SMAP2: variants seen among roughly 807,000 people sequenced by gnomAD.
SMAP2 encodes the protein stromal membrane-associated protein 2.
Under a neutral mutation model 56.4 loss-of-function variants are expected in SMAP2, and 25 were observed. The ratio of observed to expected loss-of-function variants is 0.44; its 90% CI spans 0.32 to 0.62. SMAP2 has a LOEUF of 0.62. Among genes scored for constraint, SMAP2 ranks in the 20% least tolerant of loss-of-function variants. The pLI is 0.04. For missense variants in SMAP2, 388 were observed against 545.6 expected (o/e 0.71, Z 2.88); for synonymous variants, 157 against 181.7 (o/e 0.86, Z 1.09).
chr1:40,387,719 C>G (rs566708606), intron 1 of SMAP2, among the ~76,000 whole-genome samples: 2 of 152,202 alleles, frequency 1.3e-5, no homozygotes, highest in East Asian at 1.9e-4. Context: ...CGCTCGCTCT[C>G]GGTGCCTCCT....
chr1:40,360,004 C>CTTTTTTTTTTTTTTTTTTT, intron 1 of SMAP2, among the ~76,000 whole-genome samples: 1 of 102,484 alleles, frequency 9.8e-6, no homozygotes, highest in Non-Finnish European at 1.8e-5. Context: ...CTTCTTCTTT[C>CTTTTTTTTTTTTTTTTTTT]TTTTTTTTTT....
At chr1:40,412,314 A>G (rs1644943800) in intron 4 of SMAP2, among the ~76,000 whole-genome samples, 1 of 152,182 alleles carries the variant, frequency 6.6e-6, no homozygotes, top group Admixed American at 6.5e-5. Context: ...TCAGCATTGT[A>G]TAAGAGTACT....
chr1:40,384,265 A>G (rs1444159842), intron 1 of SMAP2, among the ~76,000 whole-genome samples: 1 of 152,156 alleles, frequency 6.6e-6, no homozygotes, highest in African/African-American at 2.4e-5. Flanking sequence ...CTTGTGCTGC[A>G]TGTTAGTTTA....
At chr1:40,354,785 T>TTTTA in intron 1 of SMAP2, among the ~76,000 whole-genome samples, 1 of 120,474 alleles carries the variant, frequency 8.3e-6, no homozygotes, top group Non-Finnish European at 1.7e-5. Context: ...TTTTTTTTTT[T>TTTTA]TTTTTTTTTG....
intron 1 of SMAP2, among the ~76,000 whole-genome samples, chr1:40,353,999 G>A (rs1483040334): frequency 6.6e-6 from 1 of 152,154 alleles, no homozygotes; most frequent in African/African-American, 2.4e-5. Context: ...GGTTGAGGAT[G>A]GCAAAGCAGA....
At chr1:40,357,789 C>T (rs1453840456) in intron 1 of SMAP2, among the ~76,000 whole-genome samples, 1 of 152,068 alleles carries the variant, frequency 6.6e-6, no homozygotes, top group African/African-American at 2.4e-5. Flanking sequence ...GTCTATATGT[C>T]CATTTTTGTG....
chr1:40,386,650 C>T lies in SMAP2; in HGVS notation c.103+12427C>T, dbSNP rs1023966317. ...AAAAAAAGATTTGTTGCCATAGGAACAGACCAGTTGTTTTCTGTCTTGTGG... is the reference window on the plus strand; with the variant it reads ...AAAAAAAGATTTGTTGCCATAGGAATAGACCAGTTGTTTTCTGTCTTGTGG... On this transcript the variant is annotated intron_variant, in intron 1 of 9. Transcript: ENST00000372718. The surrounding 1 kb of genome is among the most constrained non-coding windows in gnomAD (Gnocchi z 4.1). Among the ~76,000 whole-genome samples the T allele has an allele frequency of 2.0e-5, 3 of 150,018 alleles. No homozygotes were observed. The highest frequency in any genetic ancestry group is 4.4e-5 in the Non-Finnish European group (3 of 68,010).
intron 9 of SMAP2, among the ~76,000 whole-genome samples, chr1:40,417,480 G>T (rs1233805459): frequency 1.3e-5 from 2 of 152,044 alleles, no homozygotes; most frequent in African/African-American, 2.4e-5. Context: ...CAAATCCAGC[G>T]GAGCCAGCAT....
At chr1:40,412,902 T>TA (rs1007790270) in intron 4 of SMAP2, 114 bp from the exon 5 acceptor site, 5 of 737,682 alleles carry the variant, frequency 6.8e-6, no homozygotes, top group African/African-American at 5.4e-5. Context: ...GTCAGACACT[T>TA]ACGTCAGAAT....
chr1:40,370,956 C>T (rs1297516160), upstream of SMAP2, among the ~76,000 whole-genome samples: 3 of 151,900 alleles, frequency 2.0e-5, no homozygotes, highest in East Asian at 1.9e-4. Flanking sequence ...GGGCGGGTCA[C>T]GAGGTCAGGA....
At chr1:40,372,945 A>G (rs1644506730), upstream of SMAP2, among the ~76,000 whole-genome samples, 1 of 152,240 alleles carries the variant, frequency 6.6e-6, no homozygotes, top group Admixed American at 6.5e-5. Flanking sequence ...AAGGAAAAGG[A>G]CAGCCAATGA....
Position 40,415,280 on chromosome 1 carries a change from G to A in SMAP2, c.580G>A (p.Val194Met). 1 of 1,613,246 alleles carries A rather than the reference G, an allele frequency of 6.2e-7. No individual in the cohort carries two copies. Among genetic ancestry groups the A allele is most frequent in the Non-Finnish European group, 8.5e-7 (1 of 1,179,222 alleles). Residue 194 changes from valine (V) to methionine (M), a missense_variant, in exon 7 of 10, where the codon GTG becomes ATG. Transcript: ENST00000372718. ...TCGATCTCTCTTTCTAGATGCTCCT[G>A]TGGCCTGCTCCATTGCAAATAGTAA... ...VMDLLGLDAPVACSIANSKTS... is the reference protein window; with the variant it reads ...VMDLLGLDAPMACSIANSKTS...
chr1:40,394,177 G>A (rs76633663), intron 1 of SMAP2, among the ~76,000 whole-genome samples: 2,166 of 152,186 alleles, frequency 0.014, 32 homozygotes, highest in Non-Finnish European at 0.022. Context: ...CTTAAGATAA[G>A]TGTTTCAATC....
At chr1:40,376,397 T>A (rs746941616) in intron 1 of SMAP2, among the ~76,000 whole-genome samples, 85 of 152,246 alleles carry the variant, frequency 5.6e-4, no homozygotes, top group Non-Finnish European at 2.1e-4. Flanking sequence ...CAATTTCTTT[T>A]CAGAAGTTCG....
At chr1:40,390,876 CTGTT>C (rs1235996435) in intron 1 of SMAP2, among the ~76,000 whole-genome samples, 1 of 152,170 alleles carries the variant, frequency 6.6e-6, no homozygotes, top group Non-Finnish European at 1.5e-5. Flanking sequence ...AAACGTGTAT[CTGTT>C]TGTTACAGAA....
intron 9 of SMAP2, 132 bp downstream of exon 9, chr1:40,417,228 C>CTTTTTTTTTT: frequency 5.1e-6 from 2 of 396,020 alleles, no homozygotes; most frequent in Non-Finnish European, 8.8e-6. Context: ...GTTAGGTTTG[C>CTTTTTTTTTT]TTTTTTTTTT....
intron 1 of SMAP2, among the ~76,000 whole-genome samples, chr1:40,347,255 T>C (rs71518437): frequency 7.7e-6 from 1 of 129,254 alleles, no homozygotes; most frequent in Non-Finnish European, 1.7e-5. Flanking sequence ...GTTTTTGTTT[T>C]TTTTTTTTTT....
At chr1:40,357,687 T>A (rs1644442491) in intron 1 of SMAP2, among the ~76,000 whole-genome samples, 1 of 152,214 alleles carries the variant, frequency 6.6e-6, no homozygotes, top group African/African-American at 2.4e-5. Flanking sequence ...GAGACTGTTT[T>A]TTCCCCAGTC....
chr1:40,358,136 T>G (rs1644444827), intron 1 of SMAP2, among the ~76,000 whole-genome samples: 1 of 152,226 alleles, frequency 6.6e-6, no homozygotes, highest in Admixed American at 6.5e-5. Context: ...ATTGTTAAGA[T>G]CTTTCACTTC....
Sources: gnomAD v4.1 joint callset for allele counts (sites outside exome capture counted in the v4.1 genomes callset) on GRCh38, gnomAD v4.1.1 for gene constraint, Gnocchi (gnomAD v3.1) non-coding constraint, MANE v1.5 for transcripts, NCBI Gene and HGNC (gene_info 2026-07-23, HGNC 2026-07-21) for gene names.